Variants in C5 observed in about 807,000 individuals in gnomAD.
C5 encodes the protein complement C5.
In C5, 140 loss-of-function variants were observed where a neutral mutation model predicts 218.8. The ratio of observed to expected loss-of-function variants is 0.64; its 90% CI spans 0.56 to 0.74. C5 has a LOEUF of 0.74. Among genes scored for constraint, C5 ranks in the 30% least tolerant of loss-of-function variants. The pLI is 0.00. For synonymous variants in C5, 614 were observed against 682.3 expected, an observed-to-expected ratio of 0.90 and a Z score of 1.56; for missense variants, 1,700 against 1,969.6, an observed-to-expected ratio of 0.86 and a Z score of 2.59.
upstream of C5, among the ~76,000 whole-genome samples, chr9:121,051,316 GT>G (rs1239132617): frequency 1.3e-5 from 2 of 151,832 alleles, no homozygotes; most frequent in African/African-American, 2.4e-5. Flanking sequence ...TAGAGGTAGG[GT>G]TTCACCGTGT....
chr9:121,020,232 T>A, intron 11 of C5, 53 bp from the exon 12 acceptor site: 1 of 1,218,852 alleles, frequency 8.2e-7, no homozygotes, highest in Non-Finnish European at 1.2e-6. Context: ...ATGCTTTCTG[T>A]AAAACATACC....
intron 31 of C5, among the ~76,000 whole-genome samples, chr9:120,971,599 G>A (rs972611181): frequency 6.6e-6 from 1 of 152,076 alleles, no homozygotes; most frequent in Non-Finnish European, 1.5e-5. Flanking sequence ...CACCATGCCC[G>A]GCTAATTTTT....
chr9:121,030,739 C>A lies in C5; in HGVS notation c.668-252G>T, dbSNP rs955883027. On this transcript the variant is annotated intron_variant, in intron 6 of 40. Transcript: ENST00000223642. ...TTTTGATTACAGCATTTATTATAGG[C>A]AATAGGTTATTTCTTCCATTAGAGT... Among the ~76,000 whole-genome samples the A allele has an allele frequency of 2.0e-5, 3 of 152,132 alleles. No homozygotes were observed. The East Asian group carries it at 5.8e-4, about 29-fold the overall frequency.
At chr9:121,029,655 T>C (rs1198584849) in intron 7 of C5, among the ~76,000 whole-genome samples, 1 of 152,206 alleles carries the variant, frequency 6.6e-6, no homozygotes, top group East Asian at 1.9e-4. Context: ...CTTTGCACAG[T>C]TCCTTGTGTC....
At chr9:120,991,986 T>C (rs1294181867) in intron 22 of C5, among the ~76,000 whole-genome samples, 1 of 152,206 alleles carries the variant, frequency 6.6e-6, no homozygotes. Context: ...CCAGAAACAA[T>C]ACAAGTGGAG....
chr9:121,066,458 A>C, the C5 span, among the ~76,000 whole-genome samples: 4 of 152,128 alleles, frequency 2.6e-5, no homozygotes, highest in African/African-American at 9.7e-5. Context: ...AACAGAACTC[A>C]CAACTTTAAG....
At chr9:121,016,609 A>T (rs764767678) in intron 14 of C5, among the ~76,000 whole-genome samples, 2 of 152,262 alleles carry the variant, frequency 1.3e-5, no homozygotes, top group African/African-American at 2.4e-5. Flanking sequence ...AGTCTTAAAC[A>T]AATAGCTTTG....
chr9:120,989,542 T>C, intron 24 of C5, 26 bp downstream of exon 24: 1 of 1,462,386 alleles, frequency 6.8e-7, no homozygotes. Context: ...CACCCAATTT[T>C]TATGTGAAAT....
intron 29 of C5, among the ~76,000 whole-genome samples, chr9:120,975,827 C>G (rs1354823220): frequency 1.3e-5 from 2 of 152,132 alleles, no homozygotes; most frequent in African/African-American, 4.8e-5. Flanking sequence ...TGGACTAAGG[C>G]AATGTCCATT....
chr9:121,039,717 C>T (rs1458449640), intron 3 of C5, among the ~76,000 whole-genome samples: 12 of 152,138 alleles, frequency 7.9e-5, no homozygotes, highest in African/African-American at 2.4e-4. Context: ...GGCGCAATCT[C>T]GGTTCACTGC....
chr9:120,953,306 TG>T (rs1158301605), intron 40 of C5, among the ~76,000 whole-genome samples: 2 of 152,206 alleles, frequency 1.3e-5, no homozygotes, highest in Non-Finnish European at 2.9e-5. Context: ...CGGCCTCTCC[TG>T]GGGAGGGTTC....
At chr9:121,031,460 C>A (rs1289384477) in intron 6 of C5, among the ~76,000 whole-genome samples, 1 of 152,182 alleles carries the variant, frequency 6.6e-6, no homozygotes, top group Non-Finnish European at 1.5e-5. Context: ...CTCACCTCAT[C>A]TATGACTATT....
chr9:120,956,865 A>G, intron 39 of C5: 2 of 259,636 alleles, frequency 7.7e-6, no homozygotes, highest in East Asian at 1.9e-4. Context: ...AACACTAGAC[A>G]GCAGAGCCTA....
the C5 span, among the ~76,000 whole-genome samples, chr9:121,073,511 CTTTTTTTTTTT>C: frequency 1.4e-5 from 1 of 73,006 alleles, no homozygotes; most frequent in Non-Finnish European, 2.6e-5. Flanking sequence ...GAAAACTGGA[CTTTTTTTTTTT>C]TTTTTTTTTT....
chr9:121,057,024 C>A, the C5 span, among the ~76,000 whole-genome samples: 5 of 152,168 alleles, frequency 3.3e-5, no homozygotes, highest in African/African-American at 1.2e-4. Flanking sequence ...AGCTCTAATA[C>A]ATCTGGCAAC....
In C5 at chr9:120,989,723, A is replaced by T; in HGVS notation, c.2999T>A (p.Leu1000Gln). Residue 1000 changes from leucine to glutamine, a missense_variant, in exon 24 of 41, where the codon CTA (leucine) becomes CAA (glutamine). Leu to Gln is a moderately radical substitution (Grantham distance 113). Coordinates refer to ENST00000223642, the MANE Select transcript of C5 (RefSeq NM_001735.3). ...AVLSQEGINI[L>Q]THLPKGSAEA... ...TGCACTCCCTTTGGGGAGGTGGGTT[A>T]GGATATTGATGCCTTCCTGACTTAG... The T allele has an allele frequency of 6.2e-7, 1 of 1,614,136 alleles. No individual in the cohort carries two copies. The highest frequency in any genetic ancestry group is 1.6e-4 in the Middle Eastern group (1 of 6,062).
intron 7 of C5, among the ~76,000 whole-genome samples, chr9:121,029,459 G>T (rs1286553858): frequency 6.6e-6 from 1 of 152,124 alleles, no homozygotes; most frequent in African/African-American, 2.4e-5. Context: ...CAATATCAAC[G>T]CATAGAGTTG....
At chr9:120,997,154 A>G (rs1218437782) in intron 21 of C5, among the ~76,000 whole-genome samples, 1 of 152,026 alleles carries the variant, frequency 6.6e-6, no homozygotes, top group Non-Finnish European at 1.5e-5. Context: ...TGTCTGGCAC[A>G]TAGATTTCAA....
At chr9:120,965,809 G>A (rs769001293) in intron 33 of C5, among the ~76,000 whole-genome samples, 22 of 152,136 alleles carry the variant, frequency 1.4e-4, no homozygotes, top group Non-Finnish European at 2.5e-4. Context: ...CCTCCCGAGT[G>A]GAGAGTGTCT....
Sources: gnomAD v4.1 joint callset for allele counts (sites outside exome capture counted in the v4.1 genomes callset) on GRCh38, gnomAD v4.1.1 for gene constraint, MANE v1.5 for transcripts, NCBI Gene and HGNC (gene_info 2026-07-23, HGNC 2026-07-21) for gene names.